Variants in A2ML1 observed in about 807,000 individuals in gnomAD.
The protein encoded by A2ML1 is alpha-2-macroglobulin-like protein 1.
A2ML1 carries 161 observed loss-of-function variants against 181.9 expected under a neutral mutation model. The observed-to-expected ratio is 0.89, with a 90% CI of 0.78 to 1.01. A2ML1 has a LOEUF of 1.01. Ranked by LOEUF, A2ML1 falls within the 50% of genes least tolerant of loss-of-function variation. The probability of loss-of-function intolerance (pLI) is 0.00; values close to 1 mark genes in which losing one functional copy is unlikely to be tolerated. For missense variants in A2ML1, 1,670 were observed against 1,768.1 expected, an observed-to-expected ratio of 0.94 and a Z score of 1.00; for synonymous variants, 663 against 666.8, an observed-to-expected ratio of 0.99 and a Z score of 0.09.
chr12:8,836,068 A>G lies in A2ML1; in HGVS notation c.644-187A>G, dbSNP rs17802399. On this transcript the variant is annotated intron_variant, in intron 6 of 35. Transcript: ENST00000299698. Reference sequence around the variant, plus strand: ...GGTGGAGTAAAATGTACTCTGGGAAAGGATTATTTACTCATTTTTGAATCG... The same window carrying G: ...GGTGGAGTAAAATGTACTCTGGGAAGGGATTATTTACTCATTTTTGAATCG... Among the ~76,000 whole-genome samples, 18,519 of 151,550 alleles carry G rather than the reference A, an allele frequency of 0.12. 1,344 individuals carry two copies. The highest frequency in any genetic ancestry group is 0.17 in the Non-Finnish European group (11,471 of 67,942).
rs2136997740 is a variant in A2ML1 at position 8,874,954 on chromosome 12, CTT to C, written c.4325-16_4325-15del. Reference sequence around the variant, plus strand: ...GGAGGCCCTCAAAGTAATAATATGACTTATTTCATTTCACAGATGAACAGGCA... The same window carrying C: ...GGAGGCCCTCAAAGTAATAATATGACATTTCATTTCACAGATGAACAGGCA... On this transcript the variant is annotated splice_polypyrimidine_tract_variant and intron_variant, in intron 34 of 35. Coordinates refer to ENST00000299698, the MANE Select transcript of A2ML1 (RefSeq NM_144670.6). 1 of 1,613,752 alleles carries C rather than the reference CTT, an allele frequency of 6.2e-7. No homozygotes were observed. Among genetic ancestry groups the C allele is most frequent in the East Asian group, 2.2e-5 (1 of 44,874 alleles).
In A2ML1 at chr12:8,857,337, A is replaced by G. The variant is rs758394216; in HGVS notation, c.3022A>G (p.Ile1008Val). 1.2e-6 allele frequency: 2 copies of G among 1,613,954 alleles called. No individual in the cohort carries two copies. The highest frequency in any genetic ancestry group is 1.7e-6 in the Non-Finnish European group (2 of 1,179,952). ...IRSRAVGFLE[I>V]GYQKELMYKH... The stretch of plus-strand genomic sequence containing the variant: ...GTCTCGGGCAGTGGGTTTCCTGGAA[A>G]TAGGTAAGTTGGTTCAGTCTTTCTT... Residue 1008 changes from isoleucine to valine, a missense_variant, in exon 24 of 36, where the codon ATA becomes GTA. Transcript: ENST00000299698.
At chr12:8,858,832 A>C (rs994967783) in intron 26 of A2ML1, among the ~76,000 whole-genome samples, 1 of 152,122 alleles carries the variant, frequency 6.6e-6, no homozygotes, top group African/African-American at 2.4e-5. Context: ...TTACTGTGTC[A>C]CCAAATCCAT....
chr12:8,845,163 C>T, intron 12 of A2ML1: 1 of 1,500,388 alleles, frequency 6.7e-7, no homozygotes, highest in Non-Finnish European at 8.8e-7. Context: ...AAATGGCAGA[C>T]AGTTATCTAT....
chr12:8,829,011 C>T (rs1943022081), intron 3 of A2ML1, among the ~76,000 whole-genome samples: 1 of 152,226 alleles, frequency 6.6e-6, no homozygotes, highest in South Asian at 2.1e-4. Flanking sequence ...ACCACAGTCA[C>T]TGCTGGGGGA....
Position 8,843,322 on chromosome 12 carries a change from C to A in A2ML1, c.1437C>A (p.Ala479=). 2 of 1,613,812 alleles carry A rather than the reference C, an allele frequency of 1.2e-6. No homozygotes were observed. The part of the protein sequence containing the change: ...EVLVDYYIDP[A]DASPDQEISF... Reference sequence around the variant, plus strand: ...TGGTGGATTATTACATCGACCCGGCCGATGCAAGCCCTGACCAAGAGATCA... The same window carrying A: ...TGGTGGATTATTACATCGACCCGGCAGATGCAAGCCCTGACCAAGAGATCA... Residue 479 remains alanine, a synonymous_variant, in exon 12 of 36, where the codon GCC becomes GCA. Coordinates refer to ENST00000299698, the MANE Select transcript of A2ML1 (RefSeq NM_144670.6).
At chr12:8,874,830 G>A in intron 34 of A2ML1, 141 bp from the exon 35 acceptor site, 3 of 770,646 alleles carry the variant, frequency 3.9e-6, no homozygotes, top group South Asian at 1.8e-5. Context: ...ATTAGTGATT[G>A]AAACTTTCTT....
At chr12:8,855,802 G>A (rs933796313) in intron 23 of A2ML1, among the ~76,000 whole-genome samples, 6 of 152,176 alleles carry the variant, frequency 3.9e-5, no homozygotes, top group African/African-American at 1.4e-4. Context: ...AAATGGAAGA[G>A]AGTCAGGGTA....
At chr12:8,844,589 G>A (rs748958864) in intron 12 of A2ML1, among the ~76,000 whole-genome samples, 12 of 152,048 alleles carry the variant, frequency 7.9e-5, no homozygotes, top group African/African-American at 2.9e-4. Context: ...GAAACCTCAG[G>A]TTTGATGGCT....
At chr12:8,843,027 C>A in intron 11 of A2ML1, 107 bp from the exon 12 acceptor site, 1 of 947,642 alleles carries the variant, frequency 1.1e-6, no homozygotes, top group Non-Finnish European at 1.6e-6. Flanking sequence ...CATTCTCAGG[C>A]AGTGAAGATT....
intron 12 of A2ML1, 145 bp downstream of exon 12, chr12:8,843,506 A>C: frequency 2.9e-6 from 2 of 681,186 alleles, no homozygotes; most frequent in Non-Finnish European, 2.3e-6. Flanking sequence ...AAAAAAGTAA[A>C]AGAACAGTTG....
Position 8,858,005 on chromosome 12 carries a change from C to A in A2ML1, c.3167C>A (p.Pro1056His). Reference protein sequence around the residue: ...GQAQKFIFIDPKNIQDALKWM... With the variant: ...GQAQKFIFIDHKNIQDALKWM... ...GCTCAGAAATTCATCTTCATTGATC[C>A]CAAGAACATCCAGGATGCTCTCAAG... is the stretch of plus-strand genomic sequence containing the variant. Residue 1056 changes from proline to histidine, a missense_variant, in exon 26 of 36, where the codon CCC becomes CAC. Pro to His is a moderately conservative substitution (Grantham distance 77, BLOSUM62 -2). Coordinates refer to ENST00000299698, the MANE Select transcript of A2ML1 (RefSeq NM_144670.6). 1 of 1,614,152 alleles carries A rather than the reference C, an allele frequency of 6.2e-7. No individual in the cohort carries two copies. The highest frequency in any genetic ancestry group is 8.5e-7 in the Non-Finnish European group (1 of 1,180,028).
intron 1 of A2ML1, 74 bp from the exon 2 acceptor site, chr12:8,823,108 G>C: frequency 7.0e-7 from 1 of 1,438,548 alleles, no homozygotes; most frequent in Non-Finnish European, 9.5e-7. Flanking sequence ...TACTTGCTGA[G>C]CGCTTAGGAG....
chr12:8,884,241 G>T (rs200546093), intron 7 of A2ML1, among the ~76,000 whole-genome samples: 13,089 of 108,192 alleles, frequency 0.12, 1,067 homozygotes, highest in African/African-American at 0.23. Context: ...GTTTTTTTTT[G>T]TTTTGTTTTT....
In A2ML1 at chr12:8,829,793, A is replaced by T; in HGVS notation, c.462+14A>T. 6.2e-7 allele frequency: 1 copy of T among 1,613,432 alleles called. No individual in the cohort carries two copies. Among genetic ancestry groups the T allele is most frequent in the Non-Finnish European group, 8.5e-7 (1 of 1,179,830 alleles). The stretch of plus-strand genomic sequence containing the variant: ...GTGAATGACAAGGTGAGTTGGGAGG[A>T]GGAGAAGGAGTGGCGCAGGGAGAAC... On this transcript the variant is annotated intron_variant, in intron 4 of 35. Coordinates refer to ENST00000299698, the MANE Select transcript of A2ML1 (RefSeq NM_144670.6).
chr12:8,824,623 C>T (rs974360941), intron 3 of A2ML1, among the ~76,000 whole-genome samples: 1 of 151,942 alleles, frequency 6.6e-6, no homozygotes, highest in African/African-American at 2.4e-5. Flanking sequence ...TATTTTTGTA[C>T]CCATTAACCA....
At chr12:8,862,720 ATG>A (rs869212433) in intron 28 of A2ML1, among the ~76,000 whole-genome samples, 22 of 92,190 alleles carry the variant, frequency 2.4e-4, no homozygotes, top group African/African-American at 6.0e-4. Context: ...CAGTCATGAA[ATG>A]TGTGTCCGAG....
intron 7 of A2ML1, among the ~76,000 whole-genome samples, chr12:8,836,584 A>G (rs1391553350): frequency 7.3e-5 from 11 of 151,138 alleles, no homozygotes; most frequent in Non-Finnish European, 1.5e-4. Context: ...CATGGGTTCA[A>G]GCGATTCTCC....
Position 8,857,002 on chromosome 12 carries a change from T to C in A2ML1, c.2849-162T>C, listed in dbSNP as rs183422479. Among the ~76,000 whole-genome samples the C allele has an allele frequency of 4.1e-3, 623 of 150,360 alleles. 8 individuals carry two copies. Among genetic ancestry groups the C allele is most frequent in the Middle Eastern group, 6.8e-3 (2 of 292 alleles). ...CTCAGGTGATCCACCCTCCTCGGCC[T>C]CCCATACTGCTGGAATTACAGGCGT... On this transcript the variant is annotated intron_variant, in intron 23 of 35. Coordinates refer to ENST00000299698, the MANE Select transcript of A2ML1 (RefSeq NM_144670.6).
Sources: allele counts gnomAD v4.1 joint callset (sites outside exome capture counted in the v4.1 genomes callset), GRCh38; gene constraint gnomAD v4.1.1; transcripts MANE v1.5; gene names NCBI Gene and HGNC (gene_info 2026-07-23, HGNC 2026-07-21).